Variants in TAF8 observed in about 807,000 individuals in gnomAD.
TAF8 encodes transcription initiation factor TFIID subunit 8.
A neutral mutation model predicts 36.5 loss-of-function variants in TAF8; 47 were observed. That is an observed-to-expected ratio of 1.29 (90% confidence interval 1.02 to 1.64). The LOEUF is 1.64. TAF8 is among the 40% of genes most tolerant of loss of function. TAF8 has a pLI of 0.00. For missense variants in TAF8, 420 were observed against 407.6 expected (o/e 1.03, Z -0.26); for synonymous variants, 175 against 159.5 (o/e 1.10, Z -0.73).
At chr6:42,077,492 G>A (rs1765795078) in intron 8 of TAF8, 41 bp from the exon 9 acceptor site, 1 of 1,609,604 alleles carries the variant, frequency 6.2e-7, no homozygotes, top group Non-Finnish European at 8.5e-7. Context: ...AGAGCAGACA[G>A]GGCCCACACC....
chr6:42,086,216 C>T (rs1001493431), downstream of TAF8, among the ~76,000 whole-genome samples: 2 of 152,236 alleles, frequency 1.3e-5, no homozygotes, highest in Non-Finnish European at 2.9e-5. Flanking sequence ...AGAGGCCATG[C>T]CAATGTCACC....
intron 4 of TAF8, among the ~76,000 whole-genome samples, chr6:42,056,577 C>G (rs1764994445): frequency 6.6e-6 from 1 of 152,044 alleles, no homozygotes; most frequent in South Asian, 2.1e-4. Flanking sequence ...GCTTGTAGGA[C>G]CTGGAGAGAG....
intron 8 of TAF8, 30 bp from the exon 9 acceptor site, chr6:42,077,503 A>G (rs780681682): frequency 6.2e-7 from 1 of 1,611,476 alleles, no homozygotes; most frequent in South Asian, 1.1e-5. Context: ...GGCCCACACC[A>G]GGAGGCTCCA....
At chr6:42,083,380 G>A (rs1765975232), downstream of TAF8, 1 of 152,200 alleles carries the variant, frequency 6.6e-6, no homozygotes, top group African/African-American at 2.4e-5. Context: ...GATGCAACAA[G>A]CAGCTTTCTG....
At position 42,071,801 on chromosome 6, in the gene TAF8, C is replaced by A. The variant is rs116311365; in HGVS notation, c.780+3194C>A. Among the ~76,000 whole-genome samples, 358 of 152,222 alleles carry A rather than the reference C, an allele frequency of 2.4e-3. 1 individual carries two copies. Among genetic ancestry groups the A allele is most frequent in the African/African-American group, 8.2e-3 (341 of 41,536 alleles). ...GGTTCACCTTATGAGAAAGAGGAATCATGTAAACAAACGTCATCATACCTT... is the reference window on the plus strand; with the variant it reads ...GGTTCACCTTATGAGAAAGAGGAATAATGTAAACAAACGTCATCATACCTT... On this transcript the variant is annotated intron_variant, in intron 7 of 8. Coordinates refer to ENST00000372977, the MANE Select transcript of TAF8 (RefSeq NM_138572.3).
chr6:42,068,678 T>C (rs1582235383), intron 7 of TAF8, 71 bp downstream of exon 7: 1 of 1,579,300 alleles, frequency 6.3e-7, no homozygotes, highest in African/African-American at 1.3e-5. Context: ...TCTGTCACCC[T>C]GGGACCTGGA....
intron 3 of TAF8, 76 bp downstream of exon 3, chr6:42,055,705 G>T (rs762050140): frequency 1.3e-4 from 158 of 1,184,346 alleles, no homozygotes; most frequent in Middle Eastern, 9.5e-4. Context: ...TGTCTGCTAA[G>T]TGTTCTTGGT....
intron 3 of TAF8, 66 bp from the exon 4 acceptor site, chr6:42,055,886 C>G: frequency 9.1e-7 from 1 of 1,099,788 alleles, no homozygotes; most frequent in Non-Finnish European, 1.4e-6. Flanking sequence ...GTCCATACTA[C>G]TACTATTCTT....
intron 4 of TAF8, 128 bp downstream of exon 4, chr6:42,056,142 G>A (rs886956386): frequency 3.0e-6 from 2 of 672,636 alleles, no homozygotes; most frequent in Admixed American, 2.2e-5. Flanking sequence ...AATGTTTGGG[G>A]CTACCTACAA....
In TAF8 at chr6:42,081,383, T is replaced by G. The variant is rs1159587941; in HGVS notation, c.*3838T>G. Reference sequence around the variant, plus strand: ...TTTTTTTTTGGAGACGGAGTCTCGCTCTGTCGCCCAGGCTGGATTGCAGTG... The same window carrying G: ...TTTTTTTTTGGAGACGGAGTCTCGCGCTGTCGCCCAGGCTGGATTGCAGTG... On this transcript the variant is annotated 3_prime_UTR_variant, in exon 9 of 9. Coordinates refer to ENST00000372977, the MANE Select transcript of TAF8 (RefSeq NM_138572.3). 1 of 151,896 alleles carries G rather than the reference T, an allele frequency of 6.6e-6. No individual in the cohort carries two copies. Among genetic ancestry groups the G allele is most frequent in the Non-Finnish European group, 1.5e-5 (1 of 67,998 alleles). 9.4% of individuals were successfully genotyped at this position (151,896 alleles called of 1,614,324 possible).
intron 8 of TAF8, 137 bp downstream of exon 8, chr6:42,077,376 C>A (rs1765790164): frequency 4.0e-6 from 6 of 1,507,342 alleles, no homozygotes; most frequent in Non-Finnish European, 5.3e-6. Context: ...CTCCCTTTTC[C>A]TGTCCTTACT....
intron 5 of TAF8, among the ~76,000 whole-genome samples, chr6:42,060,598 C>T (rs1765157683): frequency 6.6e-6 from 1 of 152,158 alleles, no homozygotes; most frequent in Non-Finnish European, 1.5e-5. Context: ...TTGAAAGTGA[C>T]ATTCTTTACT....
intron 7 of TAF8, among the ~76,000 whole-genome samples, chr6:42,072,925 G>C (rs1167570900): frequency 6.6e-6 from 1 of 151,366 alleles, no homozygotes; most frequent in East Asian, 1.9e-4. Flanking sequence ...GGGTTTCACC[G>C]TGTTAGCCAG....
At chr6:42,055,373 G>A (rs112780442) in intron 2 of TAF8, among the ~76,000 whole-genome samples, 158 bp from the exon 3 acceptor site, 2,580 of 152,298 alleles carry the variant, frequency 0.017, 61 homozygotes, top group African/African-American at 0.059. Context: ...TGTGAATCAT[G>A]CTGCTGTGAA....
intron 5 of TAF8, among the ~76,000 whole-genome samples, chr6:42,058,544 TC>T (rs146308424): frequency 0.01 from 1,581 of 152,218 alleles, 28 homozygotes; most frequent in African/African-American, 0.035. Context: ...CTCCCACACT[TC>T]CTTTGCTTCT....
rs1582249630 is a variant in TAF8, at chr6:42,077,741, G to A, written c.*196G>A. 1 of 1,443,120 alleles carries A rather than the reference G, an allele frequency of 6.9e-7. No homozygotes were observed. The highest frequency in any genetic ancestry group is 1.4e-5 in the African/African-American group (1 of 69,660). The allele number at this position is 1,443,120 out of a possible 1,614,324, so 89.4% of individuals were successfully genotyped here. ...TGGATGTTTGGGTTGAGGAAGATAT[G>A]AACAGAATAATGAGAATTTTTTTTT... On this transcript the variant is annotated 3_prime_UTR_variant, in exon 9 of 9. Coordinates refer to ENST00000372977, the MANE Select transcript of TAF8 (RefSeq NM_138572.3).
rs150087593 is a variant in TAF8 at position 42,061,734 on chromosome 6, A to G, written c.489+4221A>G. On this transcript the variant is annotated intron_variant, in intron 5 of 8. Coordinates refer to ENST00000372977, the MANE Select transcript of TAF8 (RefSeq NM_138572.3). ...GCCAAACACCATTTCATATTTGACA[A>G]TGCCTCCTGTATGATTTTGTATCAG... Among the ~76,000 whole-genome samples, 262 of 152,346 alleles carry G rather than the reference A, an allele frequency of 1.7e-3. 1 individual carries two copies. The highest frequency in any genetic ancestry group is 5.8e-3 in the African/African-American group (240 of 41,586).
At chr6:42,083,963 C>T (rs1256899109), downstream of TAF8, among the ~76,000 whole-genome samples, 2 of 151,864 alleles carry the variant, frequency 1.3e-5, no homozygotes, top group South Asian at 2.1e-4. Context: ...GGGCGGATCA[C>T]GAGGTCAGGA....
chr6:42,064,754 G>A (rs541431172), intron 5 of TAF8, among the ~76,000 whole-genome samples: 181 of 150,578 alleles, frequency 1.2e-3, no homozygotes, highest in African/African-American at 4.2e-3. Context: ...TCAGGAGATC[G>A]AGACCATCCT....
Sources: gnomAD v4.1 joint callset for allele counts (sites outside exome capture counted in the v4.1 genomes callset) on GRCh38, gnomAD v4.1.1 for gene constraint, MANE v1.5 for transcripts, NCBI Gene and HGNC (gene_info 2026-07-23, HGNC 2026-07-21) for gene names.